Variants in UBL7 observed in about 807,000 individuals in gnomAD.
UBL7 encodes ubiquitin-like protein 7.
In UBL7, 21 loss-of-function variants were observed where a neutral mutation model predicts 41.7. That is an observed-to-expected ratio of 0.50 (90% CI 0.36 to 0.73). UBL7 has a LOEUF of 0.73. UBL7 is among the 30% of genes least tolerant of loss of function. The pLI is 0.00. For missense variants in UBL7, 403 were observed against 478.4 expected (o/e 0.84, Z 1.47); for synonymous variants, 157 against 186.9 (o/e 0.84, Z 1.31).
At chr15:74,447,743 C>G (rs191491630) in intron 10 of UBL7, among the ~76,000 whole-genome samples, 1 of 152,252 alleles carries the variant, frequency 6.6e-6, no homozygotes, top group Admixed American at 6.5e-5. Flanking sequence ...TCCCAGGGAT[C>G]CCTGGTGACT....
At chr15:74,447,085 G>A (rs1222276869) in intron 10 of UBL7, among the ~76,000 whole-genome samples, 1 of 152,150 alleles carries the variant, frequency 6.6e-6, no homozygotes, top group African/African-American at 2.4e-5. Flanking sequence ...TCTGAGCTAG[G>A]GAATAAAGTA....
intron 1 of UBL7, among the ~76,000 whole-genome samples, chr15:74,459,568 C>T (rs1322388252): frequency 6.6e-6 from 1 of 151,290 alleles, no homozygotes; most frequent in Non-Finnish European, 1.5e-5. Context: ...CCACCTGCCT[C>T]GGCCTCCCAA....
At chr15:74,460,675 A>G (rs748192353) in intron 1 of UBL7, 37 of 1,287,034 alleles carry the variant, frequency 2.9e-5, no homozygotes, top group Non-Finnish European at 3.7e-5. Flanking sequence ...TACCTGGCAT[A>G]CATGGAACCC....
rs201259564 is a variant in UBL7 at position 74,457,719 on chromosome 15, A to G, written c.184+965T>C. On this transcript the variant is annotated intron_variant, in intron 2 of 10. Coordinates refer to ENST00000395081, the MANE Select transcript of UBL7 (RefSeq NM_032907.5). ...GCCACTGCACTCCAGCCTGGGCAAC[A>G]GAGCAAGACTCCGTCTCAAAAAAAA... Among the ~76,000 whole-genome samples, 60 of 147,606 alleles carry G rather than the reference A, an allele frequency of 4.1e-4. No individual in the cohort carries two copies. The East Asian group carries it at 0.011, about 28-fold the overall frequency.
rs1842273767 is a variant in UBL7 at position 74,449,481 on chromosome 15, C to T, written c.715-128G>A. 2.0e-6 allele frequency: 3 copies of T among 1,537,438 alleles called. No homozygotes were observed. The African/African-American group carries it at 4.1e-5, about 21-fold the overall frequency. On this transcript the variant is annotated intron_variant, in intron 8 of 10. Coordinates refer to ENST00000395081, the MANE Select transcript of UBL7 (RefSeq NM_032907.5). ...CCAGGTTCAGAAAGGAATCCAAAAG[C>T]AGAAATAGTATGACATGGTCTTGGC...
chr15:74,456,540 C>A lies in UBL7; in HGVS notation c.304+12G>T, dbSNP rs778947349. 6.2e-7 allele frequency: 1 copy of A among 1,613,572 alleles called. No homozygotes were observed. The highest frequency in any genetic ancestry group is 8.5e-7 in the Non-Finnish European group (1 of 1,179,646). ...AGAAACTCTGCCTGCCTAAGGGCTG[C>A]CCCTCACTCACCCGGTTTCTGATCA... On this transcript the variant is annotated intron_variant, in intron 3 of 10. Coordinates refer to ENST00000395081, the MANE Select transcript of UBL7 (RefSeq NM_032907.5).
rs996494370 is a variant in UBL7, at chr15:74,456,583, T to C, written c.273A>G (p.Arg91=). ...TCTGATCAGGTTCAGGCCAGGACTTTCGCAGAACATGGACAGTGGACCCAG... is the reference window on the plus strand; with the variant it reads ...TCTGATCAGGTTCAGGCCAGGACTTCCGCAGAACATGGACAGTGGACCCAG... ...IQPGSTVHVL[R]KSWPEPDQKP... The change falls in exon 3 of 11, where the codon CGA becomes CGG. Residue 91 remains arginine (R), a synonymous_variant. Coordinates refer to ENST00000395081, the MANE Select transcript of UBL7 (RefSeq NM_032907.5). 11 of 1,614,054 alleles carry C rather than the reference T, an allele frequency of 6.8e-6. No individual in the cohort carries two copies. Among genetic ancestry groups the C allele is most frequent in the Non-Finnish European group, 9.3e-6 (11 of 1,180,016 alleles).
intron 2 of UBL7, 135 bp downstream of exon 2, chr15:74,458,549 A>G (rs2061314986): frequency 1.3e-6 from 1 of 742,072 alleles, no homozygotes; most frequent in African/African-American, 1.8e-5. Flanking sequence ...CTATTTACCC[A>G]ACATTCACTT....
intron 2 of UBL7, among the ~76,000 whole-genome samples, chr15:74,458,366 CAG>C (rs1348088149): frequency 6.6e-5 from 10 of 152,136 alleles, no homozygotes; most frequent in African/African-American, 2.4e-4. Flanking sequence ...ACCCAGGAGA[CAG>C]AGGTTGCAGT....
chr15:74,461,060 G>T lies in UBL7; in HGVS notation c.-53C>A. On this transcript the variant is annotated 5_prime_UTR_variant, in exon 1 of 11. Coordinates refer to ENST00000395081, the MANE Select transcript of UBL7 (RefSeq NM_032907.5). ...ACCGCTCCAGTGGGACCAGCTACTT[G>T]GCTGACACACATCGAGCCCGCGCTG... The T allele has an allele frequency of 1.9e-6, 2 of 1,029,976 alleles. No homozygotes were observed. The highest frequency in any genetic ancestry group is 2.3e-6 in the Non-Finnish European group (2 of 854,392). The allele number at this position is 1,029,976 out of a possible 1,614,324, so 63.8% of individuals were successfully genotyped here.
intron 10 of UBL7, among the ~76,000 whole-genome samples, chr15:74,448,132 T>C (rs892480992): frequency 6.6e-6 from 1 of 152,176 alleles, no homozygotes; most frequent in Non-Finnish European, 1.5e-5. Flanking sequence ...ATGGCAGGGA[T>C]GAGAACCAGC....
chr15:74,460,561 C>G, intron 1 of UBL7: 1 of 587,922 alleles, frequency 1.7e-6, no homozygotes, highest in Non-Finnish European at 2.6e-6. Context: ...CCCACATCCC[C>G]TCAGAACAAA....
chr15:74,452,263 C>T, intron 4 of UBL7, 33 bp downstream of exon 4: 1 of 1,545,622 alleles, frequency 6.5e-7, no homozygotes, highest in Non-Finnish European at 8.8e-7. Context: ...CCCTCTCCTA[C>T]AGTCCTGGCT....
intron 10 of UBL7, among the ~76,000 whole-genome samples, chr15:74,448,101 G>C (rs533028791): frequency 6.6e-6 from 1 of 152,304 alleles, no homozygotes; most frequent in Admixed American, 6.5e-5. Flanking sequence ...CCCCAGCTCA[G>C]TGCCTGCCTG....
At chr15:74,451,965 C>T (rs2061250477) in intron 4 of UBL7, among the ~76,000 whole-genome samples, 1 of 152,180 alleles carries the variant, frequency 6.6e-6, no homozygotes, top group East Asian at 1.9e-4. Context: ...CCCACTTCCC[C>T]AGTGAGGACA....
At chr15:74,447,011 TA>T (rs970320854) in intron 10 of UBL7, among the ~76,000 whole-genome samples, 4 of 151,888 alleles carry the variant, frequency 2.6e-5, no homozygotes, top group South Asian at 2.1e-4. Context: ...ATGGAGGGCT[TA>T]AAAAAAATGC....
rs1000841447 is a variant in UBL7 at position 74,456,182 on chromosome 15, C to T, written c.304+370G>A. 2.0e-5 allele frequency among the ~76,000 whole-genome samples: 3 copies of T among 151,210 alleles called. No individual in the cohort carries two copies. The South Asian group carries it at 6.3e-4, about 32-fold the overall frequency. On this transcript the variant is annotated intron_variant, in intron 3 of 10. Coordinates refer to ENST00000395081, the MANE Select transcript of UBL7 (RefSeq NM_032907.5). ...GCATGGTGACTCATGCCTGTAATCC[C>T]AGCTACTCGGGAGGCTGAGGCATGA...
intron 1 of UBL7, among the ~76,000 whole-genome samples, chr15:74,460,169 G>A (rs1277763637): frequency 6.6e-6 from 1 of 151,728 alleles, no homozygotes; most frequent in Admixed American, 6.6e-5. Context: ...TTGAACCCGG[G>A]AGGTGGAGGT....
chr15:74,460,588 G>T, intron 1 of UBL7: 1 of 791,276 alleles, frequency 1.3e-6, no homozygotes, highest in Non-Finnish European at 1.8e-6. Flanking sequence ...ACAAATATCT[G>T]CTTGCCCCCT....
Sources: allele counts gnomAD v4.1 joint callset (sites outside exome capture counted in the v4.1 genomes callset), GRCh38; gene constraint gnomAD v4.1.1; transcripts MANE v1.5; gene names NCBI Gene and HGNC (gene_info 2026-07-23, HGNC 2026-07-21).